Variants in CHL1 observed in about 807,000 individuals in gnomAD.
The protein encoded by CHL1 is neural cell adhesion molecule L1-like protein.
A neutral mutation model predicts 141.9 loss-of-function variants in CHL1; 96 were observed. That is an observed-to-expected ratio of 0.68 (90% CI 0.57 to 0.80). The LOEUF is 0.80. Ranked by LOEUF, CHL1 falls within the 30% of genes least tolerant of loss-of-function variation. CHL1 has a pLI of 0.00. For synonymous variants in CHL1, 613 were observed against 502.2 expected (o/e 1.22, Z -2.95); for missense variants, 1,820 against 1,457.2 (o/e 1.25, Z -4.05).
intron 4 of CHL1, among the ~76,000 whole-genome samples, chr3:327,620 A>T (rs1701115989): frequency 1.3e-5 from 2 of 152,040 alleles, no homozygotes; most frequent in Admixed American, 1.3e-4. Context: ...AAGTAATTAA[A>T]TTAGTAACCA....
intron 2 of CHL1, chr3:308,746 G>C (rs1053626322): frequency 2.0e-5 from 3 of 153,100 alleles, no homozygotes; most frequent in Admixed American, 6.6e-5. Context: ...ATCTGGCTCA[G>C]ATGGAGCTCC....
At chr3:317,451 T>TA (rs1700228491) in intron 2 of CHL1, among the ~76,000 whole-genome samples, 6 of 151,898 alleles carry the variant, frequency 4.0e-5, no homozygotes, top group Admixed American at 3.9e-4. Flanking sequence ...AATCTGGAAA[T>TA]ACGATCTCCT....
chr3:358,569 T>C (rs1171374510), intron 11 of CHL1, among the ~76,000 whole-genome samples: 1 of 152,106 alleles, frequency 6.6e-6, no homozygotes, highest in South Asian at 2.1e-4. Context: ...GGAATAAAGG[T>C]TACCCAACCT....
intron 2 of CHL1, among the ~76,000 whole-genome samples, chr3:280,181 A>G (rs1696510197): frequency 3.3e-5 from 5 of 152,208 alleles, no homozygotes; most frequent in African/African-American, 9.6e-5. Context: ...ACTGAAATTC[A>G]TATTTAAAAA....
chr3:318,470 C>A lies in CHL1; in HGVS notation c.-94-1213C>A, dbSNP rs533816209. Among the ~76,000 whole-genome samples the A allele has an allele frequency of 2.0e-5, 3 of 151,590 alleles. No homozygotes were observed. The South Asian group carries it at 6.2e-4, about 31-fold the overall frequency. ...TTTGGAGCAAATTATTGTATTATTACCTGCAAGAATACATGATAGACAATG... is the reference window on the plus strand; with the variant it reads ...TTTGGAGCAAATTATTGTATTATTAACTGCAAGAATACATGATAGACAATG... On this transcript the variant is annotated intron_variant, in intron 2 of 27. Coordinates refer to ENST00000256509, the MANE Select transcript of CHL1 (RefSeq NM_006614.4).
In CHL1 at chr3:211,576, T is replaced by C. The variant is rs531902889; in HGVS notation, c.-175+14513T>C. On this transcript the variant is annotated intron_variant, in intron 1 of 27. Coordinates refer to ENST00000256509, the MANE Select transcript of CHL1 (RefSeq NM_006614.4). ...CTTCTGTGGCTTAGCCATTTTTCTC[T>C]CCACGCTTAGGAACCATACATACTA... Among the ~76,000 whole-genome samples, 28 of 152,284 alleles carry C rather than the reference T, an allele frequency of 1.8e-4. No individual in the cohort carries two copies. In the South Asian group the frequency reaches 3.5e-3, roughly 19 times the overall value.
intron 1 of CHL1, among the ~76,000 whole-genome samples, chr3:207,612 C>T (rs1699551235): frequency 6.6e-6 from 1 of 152,176 alleles, no homozygotes; most frequent in African/African-American, 2.4e-5. Flanking sequence ...CCTATATCTG[C>T]ATGAATAATA....
At chr3:281,313 A>C (rs1368894712) in intron 2 of CHL1, among the ~76,000 whole-genome samples, 1 of 152,148 alleles carries the variant, frequency 6.6e-6, no homozygotes, top group African/African-American at 2.4e-5. Flanking sequence ...GAGAATTTAC[A>C]TAACTCCAGG....
intron 3 of CHL1, among the ~76,000 whole-genome samples, chr3:325,605 G>C (rs191648478): frequency 2.6e-5 from 4 of 152,118 alleles, no homozygotes; most frequent in Admixed American, 2.6e-4. Context: ...CAAAGTGACT[G>C]AACTAAGTAA....
intron 4 of CHL1, among the ~76,000 whole-genome samples, chr3:326,908 A>G (rs1701062388): frequency 6.6e-6 from 1 of 151,958 alleles, no homozygotes; most frequent in Non-Finnish European, 1.5e-5. Context: ...TGACCCATTA[A>G]CATGCTAAAT....
chr3:241,986 G>A (rs1692616485), intron 1 of CHL1, among the ~76,000 whole-genome samples: 1 of 152,106 alleles, frequency 6.6e-6, no homozygotes, highest in African/African-American at 2.4e-5. Flanking sequence ...AACAAAATTA[G>A]AAAGACGTTT....
intron 2 of CHL1, among the ~76,000 whole-genome samples, chr3:257,344 TTTC>T (rs987899531): frequency 7.3e-5 from 11 of 150,092 alleles, no homozygotes; most frequent in Non-Finnish European, 1.6e-4. Context: ...CTTTTCTTCT[TTTC>T]TTCTTCTTTT....
chr3:387,064 G>T (rs770132456), intron 19 of CHL1, among the ~76,000 whole-genome samples: 1 of 152,092 alleles, frequency 6.6e-6, no homozygotes, highest in Non-Finnish European at 1.5e-5. Flanking sequence ...TTAAAAAATG[G>T]AATCAAGGCA....
intron 1 of CHL1, among the ~76,000 whole-genome samples, chr3:203,682 C>T (rs962136599): frequency 1.3e-5 from 2 of 152,204 alleles, no homozygotes; most frequent in Non-Finnish European, 2.9e-5. Flanking sequence ...AGGGCTGTCA[C>T]GTGGGACCTA....
In CHL1 at chr3:349,366, C is replaced by T; in HGVS notation, c.856C>T (p.Pro286Ser). 2 of 1,612,442 alleles carry T rather than the reference C, an allele frequency of 1.2e-6. No homozygotes were observed. The highest frequency in any genetic ancestry group is 1.7e-6 in the Non-Finnish European group (2 of 1,179,296). Residue 286 changes from proline (P) to serine (S), a missense_variant, in exon 10 of 28, where the codon CCA becomes TCA. Pro to Ser is a moderately conservative substitution (Grantham distance 74). Coordinates refer to ENST00000256509, the MANE Select transcript of CHL1 (RefSeq NM_006614.4). ...TTTAACTATTTTTTGCAGGCCAACT[C>T]CACAGGTTGATTGGAACAAAATTGG... ...LECFAEGLPT[P>S]QVDWNKIGGD...
chr3:213,777 G>A (rs1015379276), intron 1 of CHL1: 3 of 152,128 alleles, frequency 2.0e-5, no homozygotes, highest in African/African-American at 7.2e-5. Context: ...ACATTCAATT[G>A]CAATGATTAT....
At chr3:368,174 C>T (rs528903986) in intron 15 of CHL1, among the ~76,000 whole-genome samples, 2 of 152,342 alleles carry the variant, frequency 1.3e-5, no homozygotes, top group East Asian at 3.9e-4. Flanking sequence ...AATCACCACA[C>T]TGTCTTCCAC....
intron 2 of CHL1, among the ~76,000 whole-genome samples, chr3:262,968 G>T (rs542033182): frequency 1.3e-5 from 2 of 152,278 alleles, no homozygotes; most frequent in Non-Finnish European, 2.9e-5. Context: ...CTTAATGACA[G>T]CTTCCTAATG....
intron 2 of CHL1, chr3:282,767 T>G (rs1041523476): frequency 2.6e-5 from 4 of 152,166 alleles, no homozygotes; most frequent in Admixed American, 6.5e-5. Flanking sequence ...TCATTCAAGT[T>G]TTAGATGGGT....
Sources: gnomAD v4.1 joint callset for allele counts (sites outside exome capture counted in the v4.1 genomes callset) on GRCh38, gnomAD v4.1.1 for gene constraint, MANE v1.5 for transcripts, NCBI Gene and HGNC (gene_info 2026-07-23, HGNC 2026-07-21) for gene names.